Variants in PCNX1 observed in about 807,000 individuals in gnomAD.
PCNX1 encodes pecanex 1, also known as pecanex-like protein 1.
A neutral mutation model predicts 242.2 loss-of-function variants in PCNX1; 78 were observed. The ratio of observed to expected loss-of-function variants is 0.32; its 90% CI spans 0.27 to 0.39. The LOEUF (loss-of-function observed/expected upper bound fraction) is 0.39, where lower values mean the gene tolerates loss of function less well. PCNX1 is among the 10% of genes least tolerant of loss of function. PCNX1 has a pLI of 1.00. For missense variants in PCNX1, 2,581 were observed against 2,856.5 expected, an observed-to-expected ratio of 0.90 and a Z score of 2.20; for synonymous variants, 1,024 against 1,032.9, an observed-to-expected ratio of 0.99 and a Z score of 0.17.
At chr14:70,974,153 T>C (rs1200784457) in intron 5 of PCNX1, among the ~76,000 whole-genome samples, 4 of 151,860 alleles carry the variant, frequency 2.6e-5, no homozygotes, top group African/African-American at 4.8e-5. Flanking sequence ...CTAACTGTGG[T>C]ATATCACTTT....
chr14:71,088,748 T>C (rs1327822746), intron 29 of PCNX1, among the ~76,000 whole-genome samples: 1 of 152,172 alleles, frequency 6.6e-6, no homozygotes. Flanking sequence ...ATAAATTCAT[T>C]TTCCATATTT....
Position 70,956,849 on chromosome 14 carries a change from T to G in PCNX1, c.363-5377T>G, listed in dbSNP as rs74063507. The stretch of plus-strand genomic sequence containing the variant: ...TTTTTTTGCCTTTTGGTTTTCAGTT[T>G]TTTCAACAGTAAGAGGAGAATAATA... On this transcript the variant is annotated intron_variant, in intron 2 of 35. Coordinates refer to ENST00000304743, the MANE Select transcript of PCNX1 (RefSeq NM_014982.3). Among the ~76,000 whole-genome samples the G allele has an allele frequency of 8.6e-3, 1,316 of 152,230 alleles. 26 individuals carry two copies. Among genetic ancestry groups the G allele is most frequent in the African/African-American group, 0.03 (1,241 of 41,520 alleles).
At chr14:71,094,540 T>C (rs2062221096) in intron 30 of PCNX1, among the ~76,000 whole-genome samples, 1 of 152,234 alleles carries the variant, frequency 6.6e-6, no homozygotes, top group African/African-American at 2.4e-5. Context: ...GATGTACTTT[T>C]AGTACTTCAT....
In PCNX1 at chr14:70,907,806, G is replaced by GGACGGC. The variant is rs2055623781; in HGVS notation, c.-43_-38dup. The GGACGGC allele has an allele frequency of 8.1e-7, 1 of 1,233,426 alleles. No homozygotes were observed. Among genetic ancestry groups the GGACGGC allele is most frequent in the Non-Finnish European group, 1.0e-6 (1 of 987,318 alleles). 76.4% of individuals were successfully genotyped at this position (1,233,426 alleles called of 1,614,324 possible). On this transcript the variant is annotated 5_prime_UTR_variant, in exon 1 of 36. Transcript: ENST00000304743. ...CGAGGCCGAGCTGGGGCCGGGGCGG[G>GGACGGC]GACGGCGGCGGCGGCGGCGGCGACG... is the stretch of plus-strand genomic sequence containing the variant.
chr14:70,910,780 G>C (rs951950082), intron 1 of PCNX1, among the ~76,000 whole-genome samples: 1 of 152,164 alleles, frequency 6.6e-6, no homozygotes, highest in Admixed American at 6.5e-5. Context: ...TGTATTTTTA[G>C]GACCTAGATT....
intron 1 of PCNX1, among the ~76,000 whole-genome samples, chr14:70,939,536 A>T (rs1185233620): frequency 6.6e-6 from 1 of 152,174 alleles, no homozygotes; most frequent in African/African-American, 2.4e-5. Context: ...TTTGCTGAGG[A>T]GTGCTTTACT....
rs1179965558 is a variant in PCNX1, at chr14:70,971,238, G to A, written c.604+2128G>A. On this transcript the variant is annotated intron_variant, in intron 5 of 35. Transcript: ENST00000304743. ...CGACTCACTGCAAGCTCCGCTTCCC[G>A]GGTTCACGCCATTCTCCTGCCTCAG... Among the ~76,000 whole-genome samples, 3 of 45,990 alleles carry A rather than the reference G, an allele frequency of 6.5e-5. 1 individual carries two copies. The highest frequency in any genetic ancestry group is 2.2e-4 in the Admixed American group (1 of 4,452). The allele number at this position is 45,990 out of a possible 152,430, so 30.2% of individuals were successfully genotyped here.
intron 9 of PCNX1, among the ~76,000 whole-genome samples, chr14:71,010,200 A>T (rs1224620955): frequency 6.6e-6 from 1 of 152,112 alleles, no homozygotes; most frequent in Non-Finnish European, 1.5e-5. Flanking sequence ...CTAAATCAAG[A>T]TATCCCGAAG....
intron 8 of PCNX1, among the ~76,000 whole-genome samples, chr14:71,008,605 G>T (rs959934972): frequency 7.2e-6 from 1 of 138,036 alleles, no homozygotes; most frequent in African/African-American, 2.7e-5. Context: ...GCAGTGAGCC[G>T]AGATTGCGCC....
chr14:70,933,054 A>C (rs1035834567), intron 1 of PCNX1, among the ~76,000 whole-genome samples: 2 of 152,252 alleles, frequency 1.3e-5, no homozygotes, highest in Non-Finnish European at 2.9e-5. Context: ...GGTATAATCC[A>C]AAATTGTAAA....
At chr14:71,012,838 AGTGT>A in intron 10 of PCNX1, 143 bp from the exon 11 acceptor site, 1 of 613,934 alleles carries the variant, frequency 1.6e-6, no homozygotes, top group Admixed American at 2.9e-5. Context: ...AAAAAAAAAA[AGTGT>A]ATGAGAGAAG....
chr14:70,928,516 T>C (rs1352543201), intron 1 of PCNX1, among the ~76,000 whole-genome samples: 4 of 152,228 alleles, frequency 2.6e-5, no homozygotes, highest in African/African-American at 9.6e-5. Context: ...TTACTTAGAC[T>C]GATAAATAAA....
chr14:71,086,932 C>A (rs768023008), intron 28 of PCNX1, among the ~76,000 whole-genome samples: 2 of 152,020 alleles, frequency 1.3e-5, no homozygotes, highest in South Asian at 4.1e-4. Flanking sequence ...TTGGCTGTTT[C>A]AGCTAGGGGG....
chr14:71,012,333 G>A (rs537887694), intron 10 of PCNX1: 9 of 154,370 alleles, frequency 5.8e-5, no homozygotes, highest in Middle Eastern at 3.4e-3. Flanking sequence ...AGCCACTAAC[G>A]ATTCACAGTA....
intron 26 of PCNX1, among the ~76,000 whole-genome samples, chr14:71,061,553 A>G (rs1315516677): frequency 2.6e-5 from 4 of 152,192 alleles, no homozygotes; most frequent in African/African-American, 9.7e-5. Flanking sequence ...ACCACCTGAG[A>G]AGGACATTTA....
chr14:71,088,905 G>A (rs2062060751), intron 29 of PCNX1, among the ~76,000 whole-genome samples: 1 of 152,090 alleles, frequency 6.6e-6, no homozygotes, highest in Non-Finnish European at 1.5e-5. Flanking sequence ...TTTTTTCTGT[G>A]ATAACTACAT....
At chr14:71,053,713 T>G (rs1306386400) in intron 24 of PCNX1, among the ~76,000 whole-genome samples, 1 of 152,234 alleles carries the variant, frequency 6.6e-6, no homozygotes, top group Non-Finnish European at 1.5e-5. Flanking sequence ...CTCAAAAATT[T>G]CAAATGTTTA....
intron 2 of PCNX1, among the ~76,000 whole-genome samples, chr14:70,960,716 A>C (rs2058179288): frequency 1.3e-5 from 2 of 152,276 alleles, no homozygotes; most frequent in East Asian, 3.9e-4. Context: ...GAAAAGAGGA[A>C]GTCAAATTGT....
intron 3 of PCNX1, 38 bp from the exon 4 acceptor site, chr14:70,968,159 AT>A (rs1384287577): frequency 1.3e-6 from 2 of 1,493,798 alleles, no homozygotes; most frequent in Non-Finnish European, 1.9e-6. Context: ...CATAGCTAGC[AT>A]TTTAATTAGT....
Sources: allele counts gnomAD v4.1 joint callset (sites outside exome capture counted in the v4.1 genomes callset), GRCh38; gene constraint gnomAD v4.1.1; transcripts MANE v1.5; gene names NCBI Gene and HGNC (gene_info 2026-07-23, HGNC 2026-07-21).